Variants in CSMD1 observed in about 807,000 individuals in gnomAD.
CSMD1 encodes the protein CUB and Sushi multiple domains 1.
A neutral mutation model predicts 417.5 loss-of-function variants in CSMD1; 213 were observed. The observed-to-expected ratio is 0.51, with a 90% confidence interval of 0.46 to 0.57. The LOEUF is 0.57. CSMD1 is among the 20% of genes least tolerant of loss of function. The pLI is 0.00. For synonymous variants in CSMD1, 2,862 were observed against 1,736.8 expected (o/e 1.65, Z -16.11); for missense variants, 6,923 against 4,529.7 (o/e 1.53, Z -15.17).
chr8:4,341,719 T>C (rs1024574071), intron 3 of CSMD1, among the ~76,000 whole-genome samples: 2 of 152,132 alleles, frequency 1.3e-5, no homozygotes, highest in Admixed American at 6.6e-5. Flanking sequence ...TCAATATGTT[T>C]TTTCAACAAA....
chr8:4,663,981 C>T (rs1366280911), intron 1 of CSMD1, among the ~76,000 whole-genome samples: 1 of 152,104 alleles, frequency 6.6e-6, no homozygotes, highest in African/African-American at 2.4e-5. Context: ...GAAGTGGCTC[C>T]TGTTGTTTCT....
At chr8:4,762,836 ATCTT>A (rs1161476733) in intron 1 of CSMD1, among the ~76,000 whole-genome samples, 2 of 152,206 alleles carry the variant, frequency 1.3e-5, no homozygotes, top group African/African-American at 4.8e-5. Flanking sequence ...CGAAGAAAAG[ATCTT>A]TCTTTGGTAT....
chr8:4,967,835 A>G (rs1027665201), intron 1 of CSMD1, among the ~76,000 whole-genome samples: 1 of 152,186 alleles, frequency 6.6e-6, no homozygotes. Flanking sequence ...GGAAGTTGTA[A>G]CAGTTGAGAT....
intron 3 of CSMD1, among the ~76,000 whole-genome samples, chr8:4,156,956 T>A (rs574803864): frequency 6.6e-6 from 1 of 152,078 alleles, no homozygotes; most frequent in Non-Finnish European, 1.5e-5. Context: ...CCAACCAACT[T>A]TGCAACTGCT....
chr8:3,380,737 T>C (rs1810578821), intron 18 of CSMD1, among the ~76,000 whole-genome samples: 1 of 152,024 alleles, frequency 6.6e-6, no homozygotes, highest in South Asian at 2.1e-4. Flanking sequence ...CTGGGTCCTG[T>C]TCGGAGAATG....
At chr8:3,538,805 G>C (rs774807405) in intron 10 of CSMD1, among the ~76,000 whole-genome samples, 6 of 152,170 alleles carry the variant, frequency 3.9e-5, no homozygotes, top group Admixed American at 3.9e-4. Context: ...TGCACCAAGA[G>C]CCTGGTGGAA....
At chr8:4,225,263 A>C (rs192098369) in intron 3 of CSMD1, among the ~76,000 whole-genome samples, 25 of 152,344 alleles carry the variant, frequency 1.6e-4, no homozygotes, top group African/African-American at 4.8e-4. Flanking sequence ...CATTTTCTTC[A>C]AAATAGAAAA....
chr8:3,601,577 G>C lies in CSMD1; in HGVS notation c.1097+15133C>G, dbSNP rs73660336. Among the ~76,000 whole-genome samples, 955 of 152,200 alleles carry C rather than the reference G, an allele frequency of 6.3e-3. 9 individuals are homozygous for C. Among genetic ancestry groups the C allele is most frequent in the African/African-American group, 0.022 (896 of 41,530 alleles). On this transcript the variant is annotated intron_variant, in intron 8 of 69. Coordinates refer to ENST00000635120, the MANE Select transcript of CSMD1 (RefSeq NM_033225.6). ...GTCTAACATTGAGTTACCTACACTA[G>C]TCACCACAATCTACTGTAGAATAAG... is the stretch of plus-strand genomic sequence containing the variant.
chr8:3,214,999 AT>A (rs1259473100), intron 29 of CSMD1, among the ~76,000 whole-genome samples: 10 of 152,166 alleles, frequency 6.6e-5, no homozygotes, highest in African/African-American at 2.4e-4. Flanking sequence ...ATATTTATCC[AT>A]TTTTGGCTAC....
chr8:4,344,797 C>A (rs955190013), intron 3 of CSMD1, among the ~76,000 whole-genome samples: 1 of 152,058 alleles, frequency 6.6e-6, no homozygotes, highest in Admixed American at 6.6e-5. Context: ...AAGAAATATA[C>A]ATTAGCATAT....
chr8:3,923,153 C>T (rs531261762), intron 5 of CSMD1, among the ~76,000 whole-genome samples: 43 of 152,172 alleles, frequency 2.8e-4, no homozygotes, highest in African/African-American at 8.4e-4. Flanking sequence ...CAGACCACGC[C>T]GAAGCTTCAT....
chr8:4,246,468 T>G (rs1563330789), intron 3 of CSMD1, among the ~76,000 whole-genome samples: 1 of 152,166 alleles, frequency 6.6e-6, no homozygotes, highest in Non-Finnish European at 1.5e-5. Context: ...AATTATCAAT[T>G]GGTCTTGTTA....
chr8:4,571,622 A>G (rs1358347968), intron 2 of CSMD1, among the ~76,000 whole-genome samples: 1 of 152,164 alleles, frequency 6.6e-6, no homozygotes, highest in Non-Finnish European at 1.5e-5. Context: ...AACTCTGTTA[A>G]TTTCGGGTGG....
At chr8:3,590,296 A>T (rs1375601920) in intron 8 of CSMD1, among the ~76,000 whole-genome samples, 1 of 152,074 alleles carries the variant, frequency 6.6e-6, no homozygotes, top group Non-Finnish European at 1.5e-5. Context: ...TTTTTTCCTG[A>T]TTCTATTACT....
intron 12 of CSMD1, among the ~76,000 whole-genome samples, chr8:3,425,405 T>C (rs548049909): frequency 3.6e-4 from 54 of 151,840 alleles, no homozygotes; most frequent in African/African-American, 1.2e-3. Context: ...GTGGCCAACA[T>C]GGTGAAACCC....
intron 1 of CSMD1, among the ~76,000 whole-genome samples, chr8:4,715,487 T>C (rs967599265): frequency 6.6e-6 from 1 of 152,172 alleles, no homozygotes; most frequent in African/African-American, 2.4e-5. Flanking sequence ...CACATATAAA[T>C]TGATAATCCT....
intron 3 of CSMD1, among the ~76,000 whole-genome samples, chr8:4,058,626 G>A (rs1356767710): frequency 6.6e-6 from 1 of 150,450 alleles, no homozygotes; most frequent in Non-Finnish European, 1.5e-5. Context: ...AACAAAAAAA[G>A]GCAGGGGTTG....
intron 10 of CSMD1, among the ~76,000 whole-genome samples, chr8:3,539,527 GT>G (rs1798349419): frequency 6.6e-6 from 1 of 152,036 alleles, no homozygotes; most frequent in African/African-American, 2.4e-5. Flanking sequence ...GCCCACAAAG[GT>G]TCTCATTTTA....
chr8:4,341,302 T>TAAGC (rs1800463072), intron 3 of CSMD1, among the ~76,000 whole-genome samples: 1 of 152,124 alleles, frequency 6.6e-6, no homozygotes, highest in Non-Finnish European at 1.5e-5. Context: ...TCAAATATAT[T>TAAGC]AAGCAATCAA....
Sources: gnomAD v4.1 joint callset for allele counts (sites outside exome capture counted in the v4.1 genomes callset) on GRCh38, gnomAD v4.1.1 for gene constraint, MANE v1.5 for transcripts, NCBI Gene and HGNC (gene_info 2026-07-23, HGNC 2026-07-21) for gene names.